The following MAGI2 variants were observed in gnomAD, a reference collection of about 807,000 sequenced individuals.
MAGI2 encodes membrane-associated guanylate kinase, WW and PDZ domain-containing protein 2.
In MAGI2, 35 loss-of-function variants were observed where a neutral mutation model predicts 133.3. The observed-to-expected ratio is 0.26, with a 90% CI of 0.20 to 0.35. The LOEUF is 0.35. Ranked by LOEUF, MAGI2 falls within the 10% of genes least tolerant of loss-of-function variation. The probability of loss-of-function intolerance (pLI) is 1.00; values close to 1 mark genes in which losing one functional copy is unlikely to be tolerated. For synonymous variants in MAGI2, 729 were observed against 710.6 expected (o/e 1.03, Z -0.41); for missense variants, 1,636 against 1,863.4 (o/e 0.88, Z 2.25).
chr7:78,757,988 T>A (rs925489811), intron 2 of MAGI2, among the ~76,000 whole-genome samples: 3 of 152,160 alleles, frequency 2.0e-5, no homozygotes, highest in Admixed American at 1.3e-4. Context: ...CAGAGCATAT[T>A]CTATCAAAGG....
chr7:79,073,129 T>C (rs1378337890), intron 1 of MAGI2, among the ~76,000 whole-genome samples: 3 of 152,204 alleles, frequency 2.0e-5, no homozygotes, highest in African/African-American at 7.2e-5. Flanking sequence ...ATAAGCACCA[T>C]GCATTTGTCT....
At chr7:79,347,838 C>A (rs772816275) in intron 1 of MAGI2, among the ~76,000 whole-genome samples, 12 of 151,754 alleles carry the variant, frequency 7.9e-5, no homozygotes, top group Non-Finnish European at 1.6e-4. Context: ...TGGCCATAAA[C>A]CTTAAACTAT....
chr7:78,950,439 C>G (rs898285212), intron 2 of MAGI2, among the ~76,000 whole-genome samples: 2 of 152,152 alleles, frequency 1.3e-5, no homozygotes, highest in African/African-American at 4.8e-5. Context: ...CACTGATGTT[C>G]TTTGAAAACT....
Position 79,398,645 on chromosome 7 carries a change from T to C in MAGI2, c.301+54375A>G, listed in dbSNP as rs76565417. 1.9e-4 allele frequency among the ~76,000 whole-genome samples: 29 copies of C among 152,334 alleles called. No individual in the cohort carries two copies. The East Asian group carries it at 5.6e-3, about 29-fold the overall frequency. On this transcript the variant is annotated intron_variant, in intron 1 of 21. Transcript: ENST00000354212. ...AATTACTTTCATACCAGGAAAAGCC[T>C]TTCTAGCACCAGCAAAATCCCACCC...
At chr7:78,142,514 G>C (rs1822866246) in intron 16 of MAGI2, among the ~76,000 whole-genome samples, 1 of 152,060 alleles carries the variant, frequency 6.6e-6, no homozygotes, top group South Asian at 2.1e-4. Context: ...TCTTACTTTT[G>C]ATTCTTCACA....
chr7:78,740,109 C>T (rs1203547570), intron 2 of MAGI2, among the ~76,000 whole-genome samples: 1 of 151,248 alleles, frequency 6.6e-6, no homozygotes, highest in Non-Finnish European at 1.5e-5. Context: ...TGCAGTGAGC[C>T]GAGATCGCGC....
chr7:78,166,125 G>A (rs1825601143), intron 15 of MAGI2, among the ~76,000 whole-genome samples: 1 of 152,154 alleles, frequency 6.6e-6, no homozygotes, highest in African/African-American at 2.4e-5. Flanking sequence ...CATCTTTACG[G>A]AAGTCACATG....
chr7:78,896,610 C>T (rs562900956), intron 2 of MAGI2, among the ~76,000 whole-genome samples: 28 of 151,280 alleles, frequency 1.9e-4, no homozygotes, highest in African/African-American at 5.1e-4. Context: ...CTCTGTCACC[C>T]AGGCTGGAGT....
intron 2 of MAGI2, among the ~76,000 whole-genome samples, chr7:78,631,704 G>A (rs1409169195): frequency 6.6e-6 from 1 of 152,174 alleles, no homozygotes; most frequent in African/African-American, 2.4e-5. Flanking sequence ...TTCTGTTTCT[G>A]TACTACCCTC....
At chr7:79,190,888 C>A (rs1175638047) in intron 1 of MAGI2, among the ~76,000 whole-genome samples, 2 of 151,586 alleles carry the variant, frequency 1.3e-5, no homozygotes, top group Admixed American at 6.6e-5. Context: ...ATGTTTTATT[C>A]TTTAATAGTT....
At chr7:78,297,719 T>TGTCA (rs946199765) in intron 9 of MAGI2, among the ~76,000 whole-genome samples, 15 of 151,644 alleles carry the variant, frequency 9.9e-5, no homozygotes, top group Non-Finnish European at 2.1e-4. Context: ...CTCAGTAAAC[T>TGTCA]GTCACAAGAA....
chr7:78,514,274 TATA>T (rs1438141402), intron 4 of MAGI2, among the ~76,000 whole-genome samples: 1 of 150,614 alleles, frequency 6.6e-6, no homozygotes, highest in Non-Finnish European at 1.5e-5. Flanking sequence ...TAATTACCAT[TATA>T]ATTATAAAAT....
At chr7:78,051,560 C>A (rs1406175120) in intron 21 of MAGI2, among the ~76,000 whole-genome samples, 4 of 152,130 alleles carry the variant, frequency 2.6e-5, no homozygotes, top group African/African-American at 9.7e-5. Context: ...GAGGTCAGGG[C>A]TTTGCTGGGT....
intron 6 of MAGI2, among the ~76,000 whole-genome samples, chr7:78,448,666 A>G (rs1479565066): frequency 1.3e-5 from 2 of 152,112 alleles, no homozygotes; most frequent in African/African-American, 2.4e-5. Context: ...TGGGTCCTCA[A>G]AATGAGACCT....
chr7:78,220,005 G>C (rs1788650401), intron 10 of MAGI2, among the ~76,000 whole-genome samples: 1 of 151,996 alleles, frequency 6.6e-6, no homozygotes, highest in African/African-American at 2.4e-5. Context: ...TTCTATAGTG[G>C]TGTCCTATTT....
In MAGI2 at chr7:78,803,821, C is replaced by T. The variant is rs2151390540; in HGVS notation, c.419-176582G>A. On this transcript the variant is annotated intron_variant, in intron 2 of 21. Transcript: ENST00000354212. ...TTGCAGATACTTATAAAACTCTAGA[C>T]TATTCTTCAAGTTTGTCATCGAGAA... is the stretch of plus-strand genomic sequence containing the variant. 2.0e-5 allele frequency among the ~76,000 whole-genome samples: 3 copies of T among 152,246 alleles called. No individual in the cohort carries two copies. In the South Asian group the frequency reaches 6.2e-4, roughly 32 times the overall value.
At chr7:79,220,552 A>T (rs1271037906) in intron 1 of MAGI2, among the ~76,000 whole-genome samples, 1 of 151,920 alleles carries the variant, frequency 6.6e-6, no homozygotes, top group East Asian at 1.9e-4. Context: ...TGAAAGATGG[A>T]CCCTTTAAAG....
intron 6 of MAGI2, among the ~76,000 whole-genome samples, chr7:78,470,545 G>T (rs549986374): frequency 1.3e-5 from 2 of 151,660 alleles, no homozygotes; most frequent in Non-Finnish European, 2.9e-5. Context: ...CACCTTTTTC[G>T]TTCACCATTT....
At chr7:79,253,798 C>T (rs1472572860) in intron 1 of MAGI2, among the ~76,000 whole-genome samples, 2 of 152,106 alleles carry the variant, frequency 1.3e-5, no homozygotes, top group African/African-American at 2.4e-5. Context: ...TGTAATTATT[C>T]ATGTTGTATT....
Sources: allele counts gnomAD v4.1 joint callset (sites outside exome capture counted in the v4.1 genomes callset), GRCh38; gene constraint gnomAD v4.1.1; transcripts MANE v1.5; gene names NCBI Gene and HGNC (gene_info 2026-07-23, HGNC 2026-07-21).